The following MAPK8IP1 variants were observed in gnomAD, a reference collection of about 807,000 sequenced individuals.
MAPK8IP1 encodes the protein mitogen-activated protein kinase 8 interacting protein 1.
MAPK8IP1 carries 17 observed loss-of-function variants against 72.6 expected under a neutral mutation model. The ratio of observed to expected loss-of-function variants is 0.23; its 90% CI spans 0.16 to 0.35. MAPK8IP1 has a LOEUF of 0.35. Ranked by LOEUF, MAPK8IP1 falls within the 10% of genes least tolerant of loss-of-function variation. MAPK8IP1 has a pLI of 1.00. For missense variants in MAPK8IP1, 789 were observed against 1,009.7 expected (o/e 0.78, Z 2.96); for synonymous variants, 401 against 443.4 (o/e 0.90, Z 1.20).
Position 45,902,976 on chromosome 11 carries a change from C to T in MAPK8IP1, c.1209C>T (p.Tyr403=). 6.2e-7 allele frequency: 1 copy of T among 1,612,010 alleles called. No homozygotes were observed. The highest frequency in any genetic ancestry group is 8.5e-7 in the Non-Finnish European group (1 of 1,179,884). The change falls in exon 5 of 12, where the codon TAC becomes TAT. Residue 403 remains tyrosine, a synonymous_variant. Transcript: ENST00000241014. This position sits in a 1 kb window ranked among gnomAD's most constrained non-coding sequence, Gnocchi z 9.3. The part of the protein sequence containing the change: ...LVSLRPCFGD[Y]SDESDSATVY... ...GCCTGCGGCCGTGCTTCGGAGACTA[C>T]AGTGACGAGAGTGACTCTGCCACCG...
chr11:45,898,899 C>T (rs952748043), intron 2 of MAPK8IP1, among the ~76,000 whole-genome samples: 2 of 152,180 alleles, frequency 1.3e-5, no homozygotes, highest in Admixed American at 6.5e-5. Context: ...AAGAAGGGGC[C>T]GGCTTGCCAG....
intron 1 of MAPK8IP1, among the ~76,000 whole-genome samples, chr11:45,897,330 G>T (rs1014368212): frequency 6.6e-6 from 1 of 152,122 alleles, no homozygotes; most frequent in Non-Finnish European, 1.5e-5. Flanking sequence ...GGGAGAGGGG[G>T]GTTCTAGTGG....
intron 1 of MAPK8IP1, among the ~76,000 whole-genome samples, chr11:45,896,307 T>C (rs551974165): frequency 2.1e-4 from 32 of 152,046 alleles, no homozygotes; most frequent in Middle Eastern, 3.4e-3. Context: ...TCTGATGAGG[T>C]CGGGGGGCTG....
rs541379393 is a variant in MAPK8IP1, at chr11:45,889,953, G to T, written c.101+4032G>T. On this transcript the variant is annotated intron_variant, in intron 1 of 11. Coordinates refer to ENST00000241014, the MANE Select transcript of MAPK8IP1 (RefSeq NM_005456.4). ...CATGCTATTGGTGTTGTAGAGGGGA[G>T]ACAGACAGACAGACGGCTTTACAGA... is the stretch of plus-strand genomic sequence containing the variant. 2.1e-3 allele frequency among the ~76,000 whole-genome samples: 313 copies of T among 152,340 alleles called. 1 individual carries two copies. Among genetic ancestry groups the T allele is most frequent in the African/African-American group, 7.2e-3 (299 of 41,576 alleles).
In MAPK8IP1 at chr11:45,903,516, C is replaced by A; in HGVS notation, c.1493+76C>A. ...CACCACCCTCTACTTGTCACCCCTA[C>A]ATGGCCTCAGCCTAACCCCTGCCAT... On this transcript the variant is annotated intron_variant, in intron 6 of 11. Coordinates refer to ENST00000241014, the MANE Select transcript of MAPK8IP1 (RefSeq NM_005456.4). This position sits in a 1 kb window ranked among gnomAD's most constrained non-coding sequence, Gnocchi z 6.4. 7.7e-7 allele frequency: 1 copy of A among 1,291,428 alleles called. No individual in the cohort carries two copies. The highest frequency in any genetic ancestry group is 1.1e-6 in the Non-Finnish European group (1 of 916,496). The allele number at this position is 1,291,428 out of a possible 1,614,324, so 80.0% of individuals were successfully genotyped here. A position where few individuals can be genotyped will look rare whatever the true frequency, so the allele number is the denominator to read the frequency against.
At position 45,900,750 on chromosome 11, in the gene MAPK8IP1, C is replaced by T. The variant is rs1163702305; in HGVS notation, c.522+298C>T. Among the ~76,000 whole-genome samples, 1 of 152,034 alleles carries T rather than the reference C, an allele frequency of 6.6e-6. No individual in the cohort carries two copies. Among genetic ancestry groups the T allele is most frequent in the Admixed American group, 6.6e-5 (1 of 15,266 alleles). On this transcript the variant is annotated intron_variant, in intron 3 of 11. Coordinates refer to ENST00000241014, the MANE Select transcript of MAPK8IP1 (RefSeq NM_005456.4). The surrounding 1 kb of genome is among the most constrained non-coding windows in gnomAD (Gnocchi z 6.5). Reference sequence around the variant, plus strand: ...TAAGAGAATGAGGCTTTGAGGGGTTCGAAGGGTTTGGAGCCTGGGACCTCA... The same window carrying T: ...TAAGAGAATGAGGCTTTGAGGGGTTTGAAGGGTTTGGAGCCTGGGACCTCA...
Position 45,903,332 on chromosome 11 carries a change from A to G in MAPK8IP1, c.1418-33A>G. Reference sequence around the variant, plus strand: ...CCGCTAAACCTGGATCAGAGCTGCGACCCCCCATCCAGCCACACCACCTCA... The same window carrying G: ...CCGCTAAACCTGGATCAGAGCTGCGGCCCCCCATCCAGCCACACCACCTCA... On this transcript the variant is annotated intron_variant, in intron 5 of 11. Coordinates refer to ENST00000241014, the MANE Select transcript of MAPK8IP1 (RefSeq NM_005456.4). The surrounding 1 kb of genome is among the most constrained non-coding windows in gnomAD (Gnocchi z 6.4). 6.2e-7 allele frequency: 1 copy of G among 1,607,690 alleles called. No individual in the cohort carries two copies. The highest frequency in any genetic ancestry group is 8.5e-7 in the Non-Finnish European group (1 of 1,176,372).
intron 3 of MAPK8IP1, among the ~76,000 whole-genome samples, chr11:45,901,044 G>A (rs1053274253): frequency 2.0e-5 from 3 of 152,148 alleles, no homozygotes; most frequent in East Asian, 1.9e-4. Context: ...TGGATGCCAA[G>A]GAGAGTTGAA....
rs1273925539 is a variant in MAPK8IP1, at chr11:45,903,623, T to C, written c.1493+183T>C. 6.6e-6 allele frequency among the ~76,000 whole-genome samples: 1 copy of C among 152,118 alleles called. No homozygotes were observed. Among genetic ancestry groups the C allele is most frequent in the Non-Finnish European group, 1.5e-5 (1 of 68,010 alleles). On this transcript the variant is annotated intron_variant, in intron 6 of 11. Transcript: ENST00000241014. This position sits in a 1 kb window ranked among gnomAD's most constrained non-coding sequence, Gnocchi z 6.4. ...AGAGTATGGTGACAAAGAGGATGGC[T>C]ACAGTGAGGGATCCCAGAACTGTGC...
Position 45,903,470 on chromosome 11 carries a change from C to A in MAPK8IP1, c.1493+30C>A, listed in dbSNP as rs138590730. 338 of 1,592,982 alleles carry A rather than the reference C, an allele frequency of 2.1e-4. 2 individuals are homozygous for A. The African/African-American group carries it at 3.8e-3, about 18-fold the overall frequency. ...GAGCCATGGGCTGGCTGGGCCTAGC[C>A]AGGCAGCAGTTTGGGCCACACACCA... On this transcript the variant is annotated intron_variant, in intron 6 of 11. Transcript: ENST00000241014. This position sits in a 1 kb window ranked among gnomAD's most constrained non-coding sequence, Gnocchi z 6.4.
At position 45,900,952 on chromosome 11, in the gene MAPK8IP1, G is replaced by C. The variant is rs1432927799; in HGVS notation, c.522+500G>C. Among the ~76,000 whole-genome samples the C allele has an allele frequency of 6.6e-6, 1 of 152,062 alleles. No homozygotes were observed. The highest frequency in any genetic ancestry group is 1.5e-5 in the Non-Finnish European group (1 of 67,998). The stretch of plus-strand genomic sequence containing the variant: ...GCCAGTTTAAGATCTGGGCAGCTGC[G>C]AATTCCCAGAAGGCAGGGGGGAGGA... On this transcript the variant is annotated intron_variant, in intron 3 of 11. Transcript: ENST00000241014. The surrounding 1 kb of genome is among the most constrained non-coding windows in gnomAD (Gnocchi z 6.5).
Position 45,904,213 on chromosome 11 carries a change from A to G in MAPK8IP1, c.1666+52A>G. 6.3e-7 allele frequency: 1 copy of G among 1,580,108 alleles called. No homozygotes were observed. The highest frequency in any genetic ancestry group is 8.6e-7 in the Non-Finnish European group (1 of 1,157,378). On this transcript the variant is annotated intron_variant, in intron 7 of 11. Transcript: ENST00000241014. The surrounding 1 kb of genome is among the most constrained non-coding windows in gnomAD (Gnocchi z 6.4). ...CCCAGCCACCACATCTGTCTGCCCCAACTTGCTGCTAGGTGAACGTGTACT... is the reference window on the plus strand; with the variant it reads ...CCCAGCCACCACATCTGTCTGCCCCGACTTGCTGCTAGGTGAACGTGTACT...
In MAPK8IP1 at chr11:45,905,147, G is replaced by C. The variant is rs1390861615; in HGVS notation, c.1965-4G>C. 15 of 1,613,604 alleles carry C rather than the reference G, an allele frequency of 9.3e-6. No homozygotes were observed. The highest frequency in any genetic ancestry group is 1.3e-5 in the Non-Finnish European group (15 of 1,179,828). The stretch of plus-strand genomic sequence containing the variant: ...TCCCAGCACAGACAGACCTGTCCCT[G>C]CAGGTACTTTGGGTTCATCACCAAG... On this transcript the variant is annotated splice_polypyrimidine_tract_variant and splice_region_variant and intron_variant, in intron 10 of 11. Coordinates refer to ENST00000241014, the MANE Select transcript of MAPK8IP1 (RefSeq NM_005456.4).
At chr11:45,898,312 A>C in intron 2 of MAPK8IP1, 122 bp downstream of exon 2, 1 of 677,042 alleles carries the variant, frequency 1.5e-6, no homozygotes, top group Non-Finnish European at 2.7e-6. Flanking sequence ...ATGAAATGAA[A>C]TGATGTGCAA....
chr11:45,902,420 C>G lies in MAPK8IP1; in HGVS notation c.653C>G (p.Pro218Arg), dbSNP rs778378516. Residue 218 changes from proline to arginine, a missense_variant, in exon 5 of 12, where the codon CCC becomes CGC. Physicochemically the swap from Pro to Arg is moderately radical, Grantham distance 103 (BLOSUM62 -2). This residue lies in a region of MAPK8IP1 where 377 missense variants were observed against 411.7 expected (regional missense o/e 0.92). Transcript: ENST00000241014. This position sits in a 1 kb window ranked among gnomAD's most constrained non-coding sequence, Gnocchi z 9.3. ...HEHICLSDEL[P>R]PQSGPAPTTD... is the part of the protein sequence containing the mutation. The stretch of plus-strand genomic sequence containing the variant: ...CACATCTGCCTGAGCGATGAGCTGC[C>G]CCCCCAGAGCGGCCCCGCCCCCACC... 6.9e-6 allele frequency: 11 copies of G among 1,584,948 alleles called. No individual in the cohort carries two copies. The highest frequency in any genetic ancestry group is 9.4e-6 in the Non-Finnish European group (11 of 1,166,734).
intron 1 of MAPK8IP1, among the ~76,000 whole-genome samples, chr11:45,894,137 C>A (rs559765984): frequency 1.3e-5 from 2 of 152,270 alleles, no homozygotes; most frequent in South Asian, 4.1e-4. Flanking sequence ...GCATAAGGCA[C>A]CTTTATGTCT....
chr11:45,905,602 C>T lies in MAPK8IP1; in HGVS notation c.2064-47C>T. The T allele has an allele frequency of 1.9e-6, 3 of 1,538,968 alleles. No individual in the cohort carries two copies. The South Asian group carries it at 3.3e-5, about 17-fold the overall frequency. On this transcript the variant is annotated intron_variant, in intron 11 of 11. Transcript: ENST00000241014. ...ACCCTGGGTCGGGATCCTGTTCCTC[C>T]CTTGCCAGTGGCGATCTGAGCCATC...
chr11:45,889,278 C>G (rs915057163), intron 1 of MAPK8IP1, among the ~76,000 whole-genome samples: 1 of 152,072 alleles, frequency 6.6e-6, no homozygotes, highest in Non-Finnish European at 1.5e-5. Context: ...GAATTTACAG[C>G]CTGTGCTGTT....
intron 1 of MAPK8IP1, among the ~76,000 whole-genome samples, chr11:45,897,536 G>C (rs1048302284): frequency 2.0e-5 from 3 of 152,190 alleles, no homozygotes; most frequent in Non-Finnish European, 2.9e-5. Context: ...AGTCCTTTCT[G>C]GAATAGGCTG....
Sources: gnomAD v4.1 joint callset for allele counts (sites outside exome capture counted in the v4.1 genomes callset) on GRCh38, gnomAD v4.1.1 for gene constraint, gnomAD v4.1.1 regional missense constraint, Gnocchi (gnomAD v3.1) non-coding constraint, MANE v1.5 for transcripts, NCBI Gene and HGNC (gene_info 2026-07-23, HGNC 2026-07-21) for gene names.